EEPD1: variants seen among roughly 807,000 people sequenced by gnomAD.
EEPD1 encodes the protein endonuclease/exonuclease/phosphatase family domain-containing protein 1.
A neutral mutation model predicts 46.3 loss-of-function variants in EEPD1; 17 were observed. The ratio of observed to expected loss-of-function variants is 0.37; its 90% confidence interval spans 0.25 to 0.55. The LOEUF is 0.55. Among genes scored for constraint, EEPD1 ranks in the 20% least tolerant of loss-of-function variants. The probability of loss-of-function intolerance (pLI) is 0.83; values close to 1 mark genes in which losing one functional copy is unlikely to be tolerated. For synonymous variants in EEPD1, 313 were observed against 315.6 expected (o/e 0.99, Z 0.09); for missense variants, 673 against 745.6 (o/e 0.90, Z 1.13).
At chr7:36,293,245 T>C (rs1787476043) in intron 6 of EEPD1, among the ~76,000 whole-genome samples, 1 of 152,204 alleles carries the variant, frequency 6.6e-6, no homozygotes, top group Non-Finnish European at 1.5e-5. Context: ...TTTTAATAAA[T>C]ACTTCAATCA....
intron 2 of EEPD1, among the ~76,000 whole-genome samples, chr7:36,178,751 G>A (rs1355671062): frequency 6.6e-6 from 1 of 152,196 alleles, no homozygotes; most frequent in African/African-American, 2.4e-5. Flanking sequence ...CCCTGCACTG[G>A]TGTGGCTTCC....
At chr7:36,279,540 A>AC (rs1353667456) in intron 3 of EEPD1, among the ~76,000 whole-genome samples, 1 of 152,176 alleles carries the variant, frequency 6.6e-6, no homozygotes, top group African/African-American at 2.4e-5. Flanking sequence ...GCCTCTCCCA[A>AC]CCATTGTATG....
At chr7:36,259,474 CTTGAACTATACA>C (rs1454921687) in intron 3 of EEPD1, among the ~76,000 whole-genome samples, 1 of 152,064 alleles carries the variant, frequency 6.6e-6, no homozygotes, top group Non-Finnish European at 1.5e-5. Flanking sequence ...CATGTTACAC[CTTGAACTATACA>C]TTGTTATAAT....
chr7:36,274,082 C>T (rs1362257032), intron 3 of EEPD1, among the ~76,000 whole-genome samples: 2 of 152,276 alleles, frequency 1.3e-5, no homozygotes, highest in Non-Finnish European at 2.9e-5. Context: ...GGCCTGCCCC[C>T]TCTGGGATGC....
chr7:36,155,480 CTGCTTTGGAGGA>C (rs1784811822), intron 2 of EEPD1, among the ~76,000 whole-genome samples: 1 of 152,080 alleles, frequency 6.6e-6, no homozygotes, highest in Admixed American at 6.5e-5. Flanking sequence ...GTTTTTGTTA[CTGCTTTGGAGGA>C]TGCTGGGTCT....
In EEPD1 at chr7:36,300,748, A is replaced by G. The variant is rs1787609374; in HGVS notation, c.*1542A>G. The G allele has an allele frequency of 6.6e-6, 1 of 152,214 alleles. No homozygotes were observed. Among genetic ancestry groups the G allele is most frequent in the Non-Finnish European group, 1.5e-5 (1 of 68,036 alleles). The allele number at this position is 152,214 out of a possible 1,614,324, so 9.4% of individuals were successfully genotyped here. A position where few individuals can be genotyped will look rare whatever the true frequency, so the allele number is the denominator to read the frequency against. ...TTGGGGCCACCTGGCTCCAAGAAGC[A>G]TCGCTGGTCTTGGGGACGGGAAGGG... On this transcript the variant is annotated 3_prime_UTR_variant, in exon 8 of 8. Transcript: ENST00000242108.
At chr7:36,241,062 T>C (rs998790078) in intron 3 of EEPD1, among the ~76,000 whole-genome samples, 1 of 152,224 alleles carries the variant, frequency 6.6e-6, no homozygotes, top group African/African-American at 2.4e-5. Flanking sequence ...CAATTGATCC[T>C]TCTGTGTAAA....
intron 3 of EEPD1, among the ~76,000 whole-genome samples, chr7:36,261,192 A>G (rs1786916413): frequency 6.6e-6 from 1 of 152,140 alleles, no homozygotes; most frequent in Non-Finnish European, 1.5e-5. Context: ...AGAAAAATAG[A>G]ATATACCAGG....
intron 6 of EEPD1, among the ~76,000 whole-genome samples, chr7:36,292,390 TTTTC>T (rs1216206970): frequency 6.6e-5 from 10 of 151,618 alleles, no homozygotes; most frequent in South Asian, 2.1e-4. Flanking sequence ...TTTTCTTTTC[TTTTC>T]TTTCTTTCTT....
Position 36,297,095 on chromosome 7 carries a change from A to G in EEPD1, c.1418A>G (p.His473Arg), listed in dbSNP as rs1429738007. Residue 473 changes from histidine (H) to arginine (R), a missense_variant, in exon 7 of 8, where the codon CAC (histidine) becomes CGC (arginine). Coordinates refer to ENST00000242108, the MANE Select transcript of EEPD1 (RefSeq NM_030636.3). ...KEKFHHLIPA[H>R]TFTNISTKNP... ...AAGTTCCACCACCTGATCCCCGCGCACACCTTCACCAACATCAGCACCAAG... is the reference window on the plus strand; with the variant it reads ...AAGTTCCACCACCTGATCCCCGCGCGCACCTTCACCAACATCAGCACCAAG... The G allele has an allele frequency of 6.2e-7, 1 of 1,614,242 alleles. No homozygotes were observed. Among genetic ancestry groups the G allele is most frequent in the Non-Finnish European group, 8.5e-7 (1 of 1,180,040 alleles).
At chr7:36,164,658 T>C (rs906677774) in intron 2 of EEPD1, among the ~76,000 whole-genome samples, 3 of 152,180 alleles carry the variant, frequency 2.0e-5, no homozygotes, top group Non-Finnish European at 2.9e-5. Flanking sequence ...CTCTAGGAGA[T>C]TGACTGAAAA....
chr7:36,266,814 G>A (rs1217558425), intron 3 of EEPD1, among the ~76,000 whole-genome samples: 4 of 152,178 alleles, frequency 2.6e-5, no homozygotes, highest in Admixed American at 2.0e-4. Flanking sequence ...GATGTCTTGT[G>A]CAAATGGAGT....
Position 36,196,393 on chromosome 7 carries a change from A to ATCTCCC in EEPD1, c.878+41210_878+41215dup, listed in dbSNP as rs1292603533. Among the ~76,000 whole-genome samples the ATCTCCC allele has an allele frequency of 1.6e-4, 24 of 146,050 alleles. 1 individual carries two copies. Among genetic ancestry groups the ATCTCCC allele is most frequent in the South Asian group, 1.5e-3 (7 of 4,754 alleles). On this transcript the variant is annotated intron_variant, in intron 2 of 7. Transcript: ENST00000242108. ...AGCTCGTCTCCCGTCTCCCTCTCCC[A>ATCTCCC]TCTCCCTCTCCCTCTCCCTCTCCCA...
intron 2 of EEPD1, among the ~76,000 whole-genome samples, chr7:36,207,086 T>C (rs1785834085): frequency 2.0e-5 from 3 of 152,014 alleles, no homozygotes; most frequent in Admixed American, 2.0e-4. Flanking sequence ...AAAAACTCTA[T>C]GAGGGAGGCA....
chr7:36,272,675 T>A (rs892408647), intron 3 of EEPD1, among the ~76,000 whole-genome samples: 1 of 152,158 alleles, frequency 6.6e-6, no homozygotes, highest in Non-Finnish European at 1.5e-5. Context: ...CAGCTAATAA[T>A]TAGCTGGTGG....
chr7:36,174,622 C>T (rs924650075), intron 2 of EEPD1, among the ~76,000 whole-genome samples: 3 of 152,160 alleles, frequency 2.0e-5, no homozygotes, highest in African/African-American at 7.2e-5. Context: ...TTCCAGAGCC[C>T]TTCATATGCT....
At chr7:36,260,398 T>C (rs964000401) in intron 3 of EEPD1, among the ~76,000 whole-genome samples, 1 of 152,244 alleles carries the variant, frequency 6.6e-6, no homozygotes, top group Non-Finnish European at 1.5e-5. Flanking sequence ...TTGTTTCTGA[T>C]GAAAATTCAG....
chr7:36,192,317 T>C (rs1785474193), intron 2 of EEPD1, among the ~76,000 whole-genome samples: 1 of 152,304 alleles, frequency 6.6e-6, no homozygotes, highest in East Asian at 1.9e-4. Context: ...GCAAACTCCT[T>C]GTATCACGTG....
chr7:36,175,085 T>C (rs892999777), intron 2 of EEPD1, among the ~76,000 whole-genome samples: 1 of 152,228 alleles, frequency 6.6e-6, no homozygotes, highest in African/African-American at 2.4e-5. Flanking sequence ...TTTAAACCGT[T>C]GATCCCCTTT....
Sources: allele counts gnomAD v4.1 joint callset (sites outside exome capture counted in the v4.1 genomes callset), GRCh38; gene constraint gnomAD v4.1.1; transcripts MANE v1.5; gene names NCBI Gene and HGNC (gene_info 2026-07-23, HGNC 2026-07-21).